POM121: variants seen among roughly 807,000 people sequenced by gnomAD.
POM121 encodes the protein POM121 transmembrane nucleoporin.
In POM121, 32 loss-of-function variants were observed where a neutral mutation model predicts 81.3. The observed-to-expected ratio is 0.39, with a 90% CI of 0.30 to 0.53. The LOEUF is 0.53. Ranked by LOEUF, POM121 falls within the 20% of genes least tolerant of loss-of-function variation. The pLI is 0.66. For synonymous variants in POM121, 514 were observed against 694.2 expected, an observed-to-expected ratio of 0.74 and a Z score of 4.08; for missense variants, 1,138 against 1,614.6, an observed-to-expected ratio of 0.70 and a Z score of 5.06.
intron 5 of POM121, 27 bp downstream of exon 5, chr7:72,930,138 G>A: frequency 6.3e-7 from 1 of 1,579,648 alleles, no homozygotes. Context: ...TTTAATGTGG[G>A]GGACATGAAT....
At chr7:72,923,113 A>ACCCC (rs376744233), upstream of POM121, among the ~76,000 whole-genome samples, 34 of 80,788 alleles carry the variant, frequency 4.2e-4, no homozygotes, top group African/African-American at 7.5e-4. Context: ...CTCCCCCCCA[A>ACCCC]CCCCCCCCCC....
intron 5 of POM121, among the ~76,000 whole-genome samples, chr7:72,934,734 G>T (rs2530506): frequency 4.5e-4 from 69 of 152,120 alleles, no homozygotes; most frequent in East Asian, 2.3e-3. Context: ...TGTTGTTGTT[G>T]TTTTTTACTG....
At chr7:72,932,113 T>A (rs1796083342) in intron 5 of POM121, among the ~76,000 whole-genome samples, 3 of 149,516 alleles carry the variant, frequency 2.0e-5, no homozygotes, top group African/African-American at 7.4e-5. Context: ...TGTGTTTTCC[T>A]TTTTGAAATA....
chr7:72,946,717 C>T lies in POM121; in HGVS notation c.*483C>T. 1.0e-6 allele frequency: 1 copy of T among 967,002 alleles called. No homozygotes were observed. 59.9% of individuals were successfully genotyped at this position (967,002 alleles called of 1,614,324 possible). ...TGAGAAGTGGTTCTCTTCCTCTGGTCCCTTCTGGGGACTCTGTTTCCCCAT... is the reference window on the plus strand; with the variant it reads ...TGAGAAGTGGTTCTCTTCCTCTGGTTCCTTCTGGGGACTCTGTTTCCCCAT... On this transcript the variant is annotated 3_prime_UTR_variant, in exon 13 of 13. Transcript: ENST00000434423.
At chr7:72,879,577 C>T in exon 1 of POM121, 1 of 290,262 alleles carries the variant, frequency 3.4e-6, no homozygotes, top group Non-Finnish European at 6.7e-6. Context: ...GGCGCTGGGG[C>T]CAGAGGGGCC....
chr7:72,887,633 C>A (rs1790858506), intron 1 of POM121, among the ~76,000 whole-genome samples: 1 of 152,116 alleles, frequency 6.6e-6, no homozygotes, highest in Non-Finnish European at 1.5e-5. Flanking sequence ...TCAAGACCAG[C>A]CTGGCCAACA....
intron 1 of POM121, among the ~76,000 whole-genome samples, chr7:72,889,966 A>G (rs1367164690): frequency 5.3e-5 from 8 of 152,246 alleles, no homozygotes; most frequent in African/African-American, 1.9e-4. Flanking sequence ...ATCTGATGGC[A>G]TAAAGTTAAA....
At chr7:72,887,132 C>G (rs1790800158) in intron 1 of POM121, among the ~76,000 whole-genome samples, 1 of 152,136 alleles carries the variant, frequency 6.6e-6, no homozygotes, top group South Asian at 2.1e-4. Flanking sequence ...ATTCACTAAT[C>G]TCTTTTTTCC....
chr7:72,936,741 A>G, intron 5 of POM121, among the ~76,000 whole-genome samples: 1 of 152,128 alleles, frequency 6.6e-6, no homozygotes, highest in Non-Finnish European at 1.5e-5. Context: ...TTGCTTGCTC[A>G]GTGATGTGTA....
At position 72,925,747 on chromosome 7, in the gene POM121, C is replaced by G. The variant is rs1270195916; in HGVS notation, c.626C>G (p.Ser209Cys). 2.3e-6 allele frequency: 3 copies of G among 1,328,190 alleles called. No individual in the cohort carries two copies. The African/African-American group carries it at 4.7e-5, about 21-fold the overall frequency. 82.3% of individuals were successfully genotyped at this position (1,328,190 alleles called of 1,614,324 possible). A position where few individuals can be genotyped will look rare whatever the true frequency, so the allele number is the denominator to read the frequency against. ...CTGCCCACTCCTCTTCTCCGACCCT[C>G]CAGGAGGCCTTCCCCACGGTAAGAT... ...PSLPTPLLRP[S>C]RRPSPRDCGT... Residue 209 changes from serine (S) to cysteine (C), a missense_variant, in exon 1 of 13, where the codon TCC (serine) becomes TGC (cysteine). This residue lies in a region of POM121 where 646 missense variants were observed against 633.5 expected (regional missense o/e 1.02). Coordinates refer to ENST00000434423, the MANE Select transcript of POM121 (RefSeq NM_001387691.1).
At chr7:72,913,690 C>T (rs1395205143) in intron 3 of POM121, 2 of 152,416 alleles carry the variant, frequency 1.3e-5, no homozygotes, top group African/African-American at 4.8e-5. Flanking sequence ...TGAAGCAAAC[C>T]ATCCAACTCA....
chr7:72,936,863 G>A (rs1335019117), intron 5 of POM121, among the ~76,000 whole-genome samples: 40 of 152,078 alleles, frequency 2.6e-4, no homozygotes, highest in Admixed American at 9.8e-4. Flanking sequence ...GCCCAGGCTG[G>A]TCCGAAACTC....
intron 6 of POM121, 34 bp downstream of exon 6, chr7:72,938,715 G>A (rs1264175351): frequency 1.1e-5 from 18 of 1,603,776 alleles, no homozygotes; most frequent in Admixed American, 5.0e-5. Context: ...TTCATTTGCT[G>A]CGTGGACAGG....
chr7:72,883,004 G>T (rs1790315282), intron 1 of POM121, among the ~76,000 whole-genome samples: 1 of 151,936 alleles, frequency 6.6e-6, no homozygotes, highest in African/African-American at 2.4e-5. Flanking sequence ...GTAAGTATTT[G>T]TTTGTCTTTA....
In POM121 at chr7:72,930,111, G is replaced by A. The variant is rs1554498323; in HGVS notation, c.1275G>A (p.Gln425=). ...ACAGCTCCACTCGAGGCATCTCACA[G>A]GTACAAGTACAGCTCTTTTAATGTG... ...SSYSSTRGIS[Q]LWKRNGPSSS... Residue 425 remains glutamine (Q), a splice_region_variant and synonymous_variant, in exon 5 of 13, where the codon CAG becomes CAA. Coordinates refer to ENST00000434423, the MANE Select transcript of POM121 (RefSeq NM_001387691.1). 1 of 1,609,988 alleles carries A rather than the reference G, an allele frequency of 6.2e-7. No homozygotes were observed. The highest frequency in any genetic ancestry group is 8.5e-7 in the Non-Finnish European group (1 of 1,177,810).
chr7:72,929,915 A>C, intron 4 of POM121, 25 bp from the exon 5 acceptor site: 2 of 1,563,852 alleles, frequency 1.3e-6, no homozygotes, highest in South Asian at 1.2e-5. Context: ...TCAATAAAGC[A>C]TCTAACTGTC....
intron 7 of POM121, 124 bp from the exon 8 acceptor site, chr7:72,939,723 T>C (rs1796875936): frequency 1.9e-6 from 3 of 1,606,702 alleles, no homozygotes; most frequent in Middle Eastern, 2.3e-4. Flanking sequence ...AACCAAACCA[T>C]AGAAGATTGA....
intron 7 of POM121, 89 bp from the exon 8 acceptor site, chr7:72,939,758 A>C: frequency 6.2e-7 from 1 of 1,610,198 alleles, no homozygotes; most frequent in Non-Finnish European, 8.5e-7. Context: ...ACCCATTGAA[A>C]ACTCAATGTG....
chr7:72,936,566 C>G (rs1194101385), intron 5 of POM121, among the ~76,000 whole-genome samples: 3 of 152,146 alleles, frequency 2.0e-5, no homozygotes, highest in African/African-American at 7.2e-5. Context: ...CGTCAGCCAC[C>G]GTGCCCAGCT....
Sources: gnomAD v4.1 joint callset for allele counts (sites outside exome capture counted in the v4.1 genomes callset) on GRCh38, gnomAD v4.1.1 for gene constraint, gnomAD v4.1.1 regional missense constraint, MANE v1.5 for transcripts, NCBI Gene and HGNC (gene_info 2026-07-23, HGNC 2026-07-21) for gene names.